Variants in ZBTB1 observed in about 807,000 individuals in gnomAD.
ZBTB1 encodes zinc finger and BTB domain containing 1, also known as zinc finger and BTB domain-containing protein 1.
A neutral mutation model predicts 51.6 loss-of-function variants in ZBTB1; 13 were observed. The ratio of observed to expected loss-of-function variants is 0.25; its 90% CI spans 0.16 to 0.40. ZBTB1 has a LOEUF of 0.40. Ranked by LOEUF, ZBTB1 falls within the 10% of genes least tolerant of loss-of-function variation. The pLI, the probability that ZBTB1 is intolerant of heterozygous loss-of-function variation, is 1.00. For synonymous variants in ZBTB1, 240 were observed against 282.2 expected, an observed-to-expected ratio of 0.85 and a Z score of 1.50; for missense variants, 567 against 856.5, an observed-to-expected ratio of 0.66 and a Z score of 4.22.
At chr14:64,526,101 AGCCACCGTGCCCG>A (rs201132538), downstream of ZBTB1, among the ~76,000 whole-genome samples, 85 of 152,038 alleles carry the variant, frequency 5.6e-4, 1 homozygote, top group East Asian at 0.016. Flanking sequence ...TACAGGCATG[AGCCACCGTGCCCG>A]GCCACCTCAA....
At chr14:64,528,344 C>CTTTTTTTTTTTTT (rs71123857), downstream of ZBTB1, among the ~76,000 whole-genome samples, 14 of 115,482 alleles carry the variant, frequency 1.2e-4, no homozygotes, top group Admixed American at 1.8e-4. Context: ...TTTTTCTTTT[C>CTTTTTTTTTTTTT]TTTTTTTTTT....
chr14:64,523,195 G>C lies in ZBTB1; in HGVS notation c.1691G>C (p.Ser564Thr). ...TGCTTAGATCAAGATATGTTTAAGA[G>C]TGCCATCATGGAAGAAAATGAAAGA... ...SSCLDQDMFK[S>T]AIMEENERDH... Residue 564 changes from serine to threonine, a missense_variant, in exon 2 of 2, where the codon AGT (serine) becomes ACT (threonine). Physicochemically the swap from Ser to Thr is moderately conservative, Grantham distance 58. Around this residue, in one of 5 missense-constraint regions of ZBTB1, gnomAD observed 329 missense variants for 406.3 expected, o/e 0.81. Coordinates refer to ENST00000683701, the MANE Select transcript of ZBTB1 (RefSeq NM_001123329.2). The surrounding 1 kb of genome is among the most constrained non-coding windows in gnomAD (Gnocchi z 4.5). 1.9e-6 allele frequency: 3 copies of C among 1,614,178 alleles called. No homozygotes were observed. The highest frequency in any genetic ancestry group is 2.5e-6 in the Non-Finnish European group (3 of 1,180,024).
At chr14:64,521,220 T>TC (rs2079857057) in intron 1 of ZBTB1, among the ~76,000 whole-genome samples, 1 of 152,176 alleles carries the variant, frequency 6.6e-6, no homozygotes, top group Non-Finnish European at 1.5e-5. Flanking sequence ...GTGTACATGT[T>TC]CCCCCCAAGA....
In ZBTB1 at chr14:64,523,773, T is replaced by G; in HGVS notation, c.*127T>G. 7.3e-7 allele frequency: 1 copy of G among 1,366,574 alleles called. No individual in the cohort carries two copies. The allele number at this position is 1,366,574 out of a possible 1,614,324, so 84.7% of individuals were successfully genotyped here. On this transcript the variant is annotated 3_prime_UTR_variant, in exon 2 of 2. Coordinates refer to ENST00000683701, the MANE Select transcript of ZBTB1 (RefSeq NM_001123329.2). The surrounding 1 kb of genome is among the most constrained non-coding windows in gnomAD (Gnocchi z 4.5). ...AACAAATTTCAAGGCCCTTTTAACT[T>G]TAATATTTTTGTTTAGGATTTTAAG...
chr14:64,526,740 T>G (rs1241236334), downstream of ZBTB1, among the ~76,000 whole-genome samples: 2 of 152,058 alleles, frequency 1.3e-5, no homozygotes, highest in African/African-American at 4.8e-5. Context: ...CCCCATGTTT[T>G]TAAGGTAAAA....
At chr14:64,525,021 A>G (rs1426666856), downstream of ZBTB1, 6 of 776,154 alleles carry the variant, frequency 7.7e-6, no homozygotes, top group African/African-American at 1.9e-5. Context: ...ATTAACTCCT[A>G]ATTTTAAAAA....
At chr14:64,517,756 AATAT>A (rs71444661) in intron 1 of ZBTB1, among the ~76,000 whole-genome samples, 1,403 of 60,682 alleles carry the variant, frequency 0.023, 30 homozygotes, top group Middle Eastern at 0.061. Flanking sequence ...GCCATTTAGA[AATAT>A]ATATATATAT....
intron 2 of ZBTB1, chr14:64,531,785 G>C: frequency 1.3e-6 from 2 of 1,581,180 alleles, no homozygotes; most frequent in Non-Finnish European, 8.7e-7. Context: ...TCTGATCTAA[G>C]AATTATGTTG....
At chr14:64,528,504 C>T (rs747716494), downstream of ZBTB1, among the ~76,000 whole-genome samples, 1 of 151,936 alleles carries the variant, frequency 6.6e-6, no homozygotes, top group Non-Finnish European at 1.5e-5. Flanking sequence ...TTGCAGGGTA[C>T]CAAAAAGCTC....
chr14:64,504,799 G>C lies in ZBTB1; in HGVS notation c.-166G>C. The C allele has an allele frequency of 5.2e-6, 2 of 385,564 alleles. No individual in the cohort carries two copies. Among genetic ancestry groups the C allele is most frequent in the Non-Finnish European group, 9.2e-6 (2 of 217,462 alleles). 23.9% of individuals were successfully genotyped at this position (385,564 alleles called of 1,614,324 possible). On this transcript the variant is annotated 5_prime_UTR_variant, in exon 1 of 2. Transcript: ENST00000683701. ...CAGCACAGTCCCTGGCAGAGCCAGA[G>C]CCTCTCCGCGCAGCCCAGCCCGAGC...
chr14:64,508,182 T>G (rs1428149684), intron 1 of ZBTB1, among the ~76,000 whole-genome samples: 1 of 152,214 alleles, frequency 6.6e-6, no homozygotes, highest in Non-Finnish European at 1.5e-5. Flanking sequence ...TTTGAGAGTG[T>G]TGGGGACGTG....
At chr14:64,514,403 G>T (rs991073235) in intron 1 of ZBTB1, 1 of 152,146 alleles carries the variant, frequency 6.6e-6, no homozygotes, top group Non-Finnish European at 1.5e-5. Flanking sequence ...TTTAGAGGGT[G>T]ATTATTTGCC....
At chr14:64,532,015 C>T in exon 3 of ZBTB1, 1 of 1,255,436 alleles carries the variant, frequency 8.0e-7, no homozygotes. Context: ...TCCTGACAAA[C>T]TTCCATCAAC....
intron 1 of ZBTB1, among the ~76,000 whole-genome samples, chr14:64,507,960 G>T (rs977976684): frequency 1.3e-5 from 2 of 152,158 alleles, no homozygotes; most frequent in African/African-American, 4.8e-5. Context: ...AAGATTGCAT[G>T]CTGAACATAT....
intron 1 of ZBTB1, among the ~76,000 whole-genome samples, chr14:64,507,540 T>G (rs544413013): frequency 6.6e-6 from 1 of 152,220 alleles, no homozygotes; most frequent in Non-Finnish European, 1.5e-5. Flanking sequence ...ATCACAGCTG[T>G]GTGTGCCTCA....
At chr14:64,516,442 A>T (rs1209658418) in intron 1 of ZBTB1, among the ~76,000 whole-genome samples, 1 of 152,314 alleles carries the variant, frequency 6.6e-6, no homozygotes, top group Non-Finnish European at 1.5e-5. Context: ...CAGCCTAAAA[A>T]CTGTTGTGTT....
At position 64,523,142 on chromosome 14, in the gene ZBTB1, A is replaced by C; in HGVS notation, c.1638A>C (p.Glu546Asp). The C allele has an allele frequency of 6.2e-7, 1 of 1,614,224 alleles. No homozygotes were observed. Among genetic ancestry groups the C allele is most frequent in the Non-Finnish European group, 8.5e-7 (1 of 1,180,028 alleles). ...ATTGTGGCCAGCGTTTTGAAACTGA[A>C]AATCTAGTGGTTGAACATATGTCTA... The part of the protein sequence containing the change: ...CPNCGQRFET[E>D]NLVVEHMSSC... Residue 546 changes from glutamate to aspartate, a missense_variant, in exon 2 of 2, where the codon GAA becomes GAC. Physicochemically the swap from Glu to Asp is conservative, Grantham distance 45. Coordinates refer to ENST00000683701, the MANE Select transcript of ZBTB1 (RefSeq NM_001123329.2). The surrounding 1 kb of genome is among the most constrained non-coding windows in gnomAD (Gnocchi z 4.5).
At chr14:64,505,983 CAT>C (rs2079648939) in intron 1 of ZBTB1, among the ~76,000 whole-genome samples, 1 of 152,162 alleles carries the variant, frequency 6.6e-6, no homozygotes, top group South Asian at 2.1e-4. Context: ...ATGCAGGTCT[CAT>C]AATTTACAGA....
At position 64,523,146 on chromosome 14, in the gene ZBTB1, C is replaced by A. The variant is rs555900726; in HGVS notation, c.1642C>A (p.Leu548Ile). The change falls in exon 2 of 2, where the codon CTA becomes ATA. Residue 548 changes from leucine (L) to isoleucine (I), a missense_variant. Around this residue, in one of 5 missense-constraint regions of ZBTB1, gnomAD observed 329 missense variants for 406.3 expected, o/e 0.81. Transcript: ENST00000683701. This position sits in a 1 kb window ranked among gnomAD's most constrained non-coding sequence, Gnocchi z 4.5. ...TGGCCAGCGTTTTGAAACTGAAAAT[C>A]TAGTGGTTGAACATATGTCTAGCTG... ...NCGQRFETEN[L>I]VVEHMSSCLD... 1 of 1,614,126 alleles carries A rather than the reference C, an allele frequency of 6.2e-7. No homozygotes were observed. Among genetic ancestry groups the A allele is most frequent in the South Asian group, 1.1e-5 (1 of 91,084 alleles).
Sources: gnomAD v4.1 joint callset for allele counts (sites outside exome capture counted in the v4.1 genomes callset) on GRCh38, gnomAD v4.1.1 for gene constraint, gnomAD v4.1.1 regional missense constraint, Gnocchi (gnomAD v3.1) non-coding constraint, MANE v1.5 for transcripts, NCBI Gene and HGNC (gene_info 2026-07-23, HGNC 2026-07-21) for gene names.